Variants in GANC observed in about 807,000 individuals in gnomAD.
GANC encodes the protein glucosidase alpha, neutral C, also known as neutral alpha-glucosidase C.
GANC carries 117 observed loss-of-function variants against 124.2 expected under a neutral mutation model. The observed-to-expected ratio is 0.94, with a 90% confidence interval of 0.81 to 1.10. GANC has a LOEUF of 1.10. GANC is among the 50% of genes least tolerant of loss of function. GANC has a pLI of 0.00. For missense variants in GANC, 1,140 were observed against 1,095.0 expected, an observed-to-expected ratio of 1.04 and a Z score of -0.58; for synonymous variants, 377 against 376.8, an observed-to-expected ratio of 1.00 and a Z score of -0.01.
chr15:42,318,130 G>A (rs2141053446), intron 10 of GANC, among the ~76,000 whole-genome samples: 1 of 152,174 alleles, frequency 6.6e-6, no homozygotes, highest in Admixed American at 6.5e-5. Context: ...CTCCCATCTG[G>A]ACCATTGTTC....
intron 13 of GANC, 76 bp downstream of exon 13, chr15:42,327,518 T>C: frequency 8.5e-7 from 1 of 1,183,300 alleles, no homozygotes; most frequent in Non-Finnish European, 1.2e-6. Context: ...TGAATAAAAC[T>C]ATTCTTTTTC....
At chr15:42,337,799 C>T (rs143815714) in intron 15 of GANC, among the ~76,000 whole-genome samples, 2,907 of 152,250 alleles carry the variant, frequency 0.019, 72 homozygotes, top group African/African-American at 0.053. Flanking sequence ...TGGTGGCTCA[C>T]GCCTATAATT....
chr15:42,316,361 ATATT>A (rs2052101812), intron 10 of GANC, among the ~76,000 whole-genome samples: 1 of 152,098 alleles, frequency 6.6e-6, no homozygotes, highest in Admixed American at 6.6e-5. Context: ...GGGCGCGCTG[ATATT>A]TATTGCATAC....
chr15:42,307,623 C>T (rs773956425), intron 7 of GANC, among the ~76,000 whole-genome samples: 2 of 152,212 alleles, frequency 1.3e-5, no homozygotes, highest in Non-Finnish European at 2.9e-5. Flanking sequence ...ACCTCCTAGT[C>T]ATTTGCATTT....
chr15:42,289,884 C>T lies in GANC; in HGVS notation c.329+2066C>T, dbSNP rs550937586. Among the ~76,000 whole-genome samples, 114 of 152,102 alleles carry T rather than the reference C, an allele frequency of 7.5e-4. No homozygotes were observed. The Middle Eastern group carries it at 0.01, about 14-fold the overall frequency. On this transcript the variant is annotated intron_variant, in intron 4 of 23. Transcript: ENST00000318010. ...GCTCTAATCCATTATACCTGGGTGCCCTTGTAAGAAGAGGAGATTAGGACA... is the reference window on the plus strand; with the variant it reads ...GCTCTAATCCATTATACCTGGGTGCTCTTGTAAGAAGAGGAGATTAGGACA...
At chr15:42,347,224 T>C (rs2052373918) in intron 20 of GANC, among the ~76,000 whole-genome samples, 1 of 150,220 alleles carries the variant, frequency 6.7e-6, no homozygotes, top group Admixed American at 6.7e-5. Context: ...GGAAGGGGCA[T>C]GTGTGGGGAG....
At chr15:42,295,629 C>T (rs1234559961) in intron 5 of GANC, among the ~76,000 whole-genome samples, 1 of 131,614 alleles carries the variant, frequency 7.6e-6, no homozygotes, top group Non-Finnish European at 1.6e-5. Context: ...AGAAAAAAAG[C>T]TTTATTATAG....
chr15:42,301,239 C>T (rs1595769479), intron 6 of GANC, among the ~76,000 whole-genome samples: 1 of 152,118 alleles, frequency 6.6e-6, no homozygotes, highest in East Asian at 1.9e-4. Context: ...GGCATTGCCT[C>T]ACCCGGGAAG....
intron 4 of GANC, among the ~76,000 whole-genome samples, chr15:42,289,613 A>G (rs1211429013): frequency 6.6e-6 from 1 of 151,832 alleles, no homozygotes; most frequent in African/African-American, 2.4e-5. Flanking sequence ...AGTTGGTATT[A>G]TAAATGAATA....
intron 16 of GANC, among the ~76,000 whole-genome samples, chr15:42,339,453 C>A (rs371219145): frequency 1.3e-5 from 2 of 151,836 alleles, no homozygotes; most frequent in African/African-American, 4.8e-5. Context: ...TCTGACCTTT[C>A]GACAAGAAAG....
chr15:42,350,971 G>A (rs556897401), intron 22 of GANC, among the ~76,000 whole-genome samples: 10 of 151,410 alleles, frequency 6.6e-5, no homozygotes, highest in East Asian at 2.0e-4. Flanking sequence ...TCCCAGGTTC[G>A]GGGGATTCTC....
rs762700297 is a variant in GANC at position 42,353,535 on chromosome 15, G to A, written c.*1396G>A. 2 of 979,052 alleles carry A rather than the reference G, an allele frequency of 2.0e-6. No homozygotes were observed. The highest frequency in any genetic ancestry group is 1.2e-6 in the Non-Finnish European group (1 of 824,204). The allele number at this position is 979,052 out of a possible 1,614,324, so 60.6% of individuals were successfully genotyped here. A position where few individuals can be genotyped will look rare whatever the true frequency, so the allele number is the denominator to read the frequency against. ...TATGTCTGCGTTCTCCTACTAGATT[G>A]TATGTCCCTCAAGAGCATGTTCTGT... On this transcript the variant is annotated 3_prime_UTR_variant, in exon 24 of 24. Transcript: ENST00000318010.
intron 3 of GANC, among the ~76,000 whole-genome samples, chr15:42,284,657 G>T (rs1219532250): frequency 1.3e-5 from 2 of 152,070 alleles, no homozygotes; most frequent in African/African-American, 4.8e-5. Flanking sequence ...AAGAGATGGG[G>T]TCTCACTGTG....
intron 15 of GANC, among the ~76,000 whole-genome samples, chr15:42,336,135 A>G (rs1359482796): frequency 7.6e-6 from 1 of 131,356 alleles, no homozygotes; most frequent in Non-Finnish European, 1.5e-5. Context: ...TTCATATTGA[A>G]CCAAAAAAAA....
At chr15:42,281,911 G>A (rs2051737739) in intron 3 of GANC, among the ~76,000 whole-genome samples, 1 of 152,150 alleles carries the variant, frequency 6.6e-6, no homozygotes, top group Admixed American at 6.5e-5. Flanking sequence ...TTTAGGCCAG[G>A]TGCAGTGGCT....
At position 42,326,411 on chromosome 15, in the gene GANC, G is replaced by A. The variant is rs765418019; in HGVS notation, c.1407G>A (p.Gly469=). The change falls in exon 12 of 24, where the codon GGG becomes GGA. Residue 469 remains glycine (G), a synonymous_variant. Coordinates refer to ENST00000318010, the MANE Select transcript of GANC (RefSeq NM_198141.3). ...ATCAGGAAGGGGAAGACTTTGAAGG[G>A]GTGTGTTGGCCAGGTATGAAATCAC... ...VKNQEGEDFE[G]VCWPGLSSYL... is the part of the protein sequence containing the mutation. 1.1e-5 allele frequency: 17 copies of A among 1,613,668 alleles called. No individual in the cohort carries two copies. The highest frequency in any genetic ancestry group is 1.3e-5 in the African/African-American group (1 of 74,844).
At chr15:42,339,305 AACACACACACACACACACACACACAC>A (rs60116980) in intron 16 of GANC, among the ~76,000 whole-genome samples, 9 of 119,250 alleles carry the variant, frequency 7.5e-5, no homozygotes, top group African/African-American at 2.2e-4. Flanking sequence ...ACCCCCCTCC[AACACACACACACACACACACACACAC>A]ACACACACAC....
intron 18 of GANC, 128 bp from the exon 19 acceptor site, chr15:42,342,950 C>G: frequency 2.8e-6 from 2 of 702,248 alleles, no homozygotes; most frequent in African/African-American, 1.8e-5. Flanking sequence ...TCAAGTCAGT[C>G]TCTGCCTCTC....
At chr15:42,297,842 TTCATTC>T in intron 6 of GANC, among the ~76,000 whole-genome samples, 186 bp downstream of exon 6, 1 of 4,160 alleles carries the variant, frequency 2.4e-4, no homozygotes, top group Non-Finnish European at 0.01. Flanking sequence ...CATTTATTCA[TTCATTC>T]ATTCATTCAT....
Sources: gnomAD v4.1 joint callset for allele counts (sites outside exome capture counted in the v4.1 genomes callset) on GRCh38, gnomAD v4.1.1 for gene constraint, MANE v1.5 for transcripts, NCBI Gene and HGNC (gene_info 2026-07-23, HGNC 2026-07-21) for gene names.